The following CRELD1 variants were observed in gnomAD, a reference collection of about 807,000 sequenced individuals.
CRELD1 encodes CRELD disulfide isomerase 1.
CRELD1 carries 42 observed loss-of-function variants against 58.2 expected under a neutral mutation model. The ratio of observed to expected loss-of-function variants is 0.72; its 90% CI spans 0.56 to 0.93. The LOEUF is 0.93. Among genes scored for constraint, CRELD1 ranks in the 40% least tolerant of loss-of-function variants. CRELD1 has a pLI of 0.00. For synonymous variants in CRELD1, 222 were observed against 202.0 expected (o/e 1.10, Z -0.84); for missense variants, 500 against 540.6 (o/e 0.92, Z 0.74).
chr3:9,941,695 CAGG>C (rs2085372313), intron 7 of CRELD1, among the ~76,000 whole-genome samples: 1 of 143,860 alleles, frequency 7.0e-6, no homozygotes, highest in African/African-American at 2.6e-5. Flanking sequence ...GAGGCTGAGG[CAGG>C]AGAAGGGCAT....
rs765033687 is a variant in CRELD1 at position 9,941,148 on chromosome 3, G to A, written c.675G>A (p.Glu225=). ...CCTGTGCCCGATGCTCAGGACCTGA[G>A]GAATCAAACTGTTTGCAATGCAAGA... ...FGPCARCSGP[E]ESNCLQCKKG... The change falls in exon 7 of 11, where the codon GAG becomes GAA. Residue 225 remains glutamate (E), a synonymous_variant. Transcript: ENST00000452070. 1.9e-6 allele frequency: 3 copies of A among 1,614,212 alleles called. No individual in the cohort carries two copies. The highest frequency in any genetic ancestry group is 3.3e-5 in the Admixed American group (2 of 60,026).
chr3:9,941,361 C>T (rs1006384724), intron 7 of CRELD1, among the ~76,000 whole-genome samples, 155 bp downstream of exon 7: 1 of 151,684 alleles, frequency 6.6e-6, no homozygotes, highest in African/African-American at 2.4e-5. Context: ...CAGATACTTA[C>T]AGTCCAGTAC....
chr3:9,934,334 G>A (rs57022843), intron 1 of CRELD1, 86 bp from the exon 2 acceptor site: 11 of 1,077,782 alleles, frequency 1.0e-5, no homozygotes, highest in Non-Finnish European at 1.6e-5. Flanking sequence ...AGATCCCAGC[G>A]CCACGGCACC....
intron 7 of CRELD1, among the ~76,000 whole-genome samples, chr3:9,941,526 C>T (rs527876413): frequency 2.0e-5 from 3 of 152,086 alleles, no homozygotes; most frequent in African/African-American, 2.4e-5. Context: ...CGCGGTGGCT[C>T]ACGCCTGTAA....
At position 9,944,414 on chromosome 3, in the gene CRELD1, G is replaced by A. The variant is rs2085463667; in HGVS notation, c.1098G>A (p.Leu366=). The A allele has an allele frequency of 1.9e-6, 3 of 1,614,018 alleles. No individual in the cohort carries two copies. Among genetic ancestry groups the A allele is most frequent in the African/African-American group, 1.3e-5 (1 of 74,930 alleles). The change falls in exon 11 of 11, where the codon CTG becomes CTA. Residue 366 remains leucine (L), a synonymous_variant. Transcript: ENST00000452070. ...TGACAGAAGACGAGTTGGTGGTGCT[G>A]CAGCAGATGTTCTTTGGCATCATCA... is the stretch of plus-strand genomic sequence containing the variant. ...SEMTEDELVV[L]QQMFFGIIIC...
In CRELD1 at chr3:9,943,146, A is replaced by C. The variant is rs534019383; in HGVS notation, c.887A>C (p.Tyr296Ser). 14 of 1,613,212 alleles carry C rather than the reference A, an allele frequency of 8.7e-6. No individual in the cohort carries two copies. The South Asian group carries it at 1.5e-4, about 18-fold the overall frequency. The change falls in exon 9 of 11, where the codon TAT (tyrosine) becomes TCT (serine). Residue 296 changes from tyrosine (Y) to serine (S), a missense_variant. Transcript: ENST00000452070. ...CGCTGTAAGAAGTGTAGCCCTGGCT[A>C]TCAGCAGGTGGGCTCCAAGTGTCTC... ...PGRCKKCSPGYQQVGSKCLDV... is the reference protein window; with the variant it reads ...PGRCKKCSPGSQQVGSKCLDV...
chr3:9,941,790 A>C (rs2085376089), intron 7 of CRELD1, among the ~76,000 whole-genome samples: 1 of 91,364 alleles, frequency 1.1e-5, no homozygotes, highest in Non-Finnish European at 2.2e-5. Context: ...ACTCCATCTC[A>C]AAAAAAAAAA....
intron 5 of CRELD1, chr3:9,938,334 T>G: frequency 3.6e-6 from 2 of 551,360 alleles, no homozygotes; most frequent in South Asian, 2.0e-5. Flanking sequence ...GTTATCATCA[T>G]GTACTAAAGA....
intron 5 of CRELD1, 89 bp from the exon 6 acceptor site, chr3:9,940,761 A>AGGGGAGAGGGAG (rs1553600174): frequency 1.2e-6 from 1 of 838,648 alleles, no homozygotes; most frequent in African/African-American, 3.0e-5. Flanking sequence ...GAGGGAAGGC[A>AGGGGAGAGGGAG]AGGGAGAGGG....
In CRELD1 at chr3:9,943,379, A is replaced by G. The variant is rs771099812; in HGVS notation, c.914-2A>G. 1.2e-6 allele frequency: 2 copies of G among 1,613,920 alleles called. No homozygotes were observed. Among genetic ancestry groups the G allele is most frequent in the Non-Finnish European group, 1.7e-6 (2 of 1,179,966 alleles). On this transcript the variant is annotated splice_acceptor_variant, in intron 9 of 10. Coordinates refer to ENST00000452070, the MANE Select transcript of CRELD1 (RefSeq NM_001077415.3). LOFTEE classifies it high-confidence loss of function. ...GGACTCTGACCCCTCCCTCCCCTCA[A>G]GATGTGGATGAGTGTGAGACAGAGG...
chr3:9,937,143 G>A (rs558759759), intron 3 of CRELD1, among the ~76,000 whole-genome samples: 5 of 152,308 alleles, frequency 3.3e-5, no homozygotes, highest in South Asian at 2.1e-4. Context: ...TTCCACAGTG[G>A]TGATGCCATT....
chr3:9,941,262 T>A (rs893772695), intron 7 of CRELD1, 56 bp downstream of exon 7: 2 of 1,484,868 alleles, frequency 1.3e-6, no homozygotes, highest in Non-Finnish European at 1.9e-6. Context: ...GGCTTGGTCC[T>A]TTATTCTCTC....
chr3:9,944,973 A>G lies in CRELD1; in HGVS notation c.*394A>G. The G allele has an allele frequency of 3.5e-6, 1 of 288,974 alleles. No individual in the cohort carries two copies. Among genetic ancestry groups the G allele is most frequent in the South Asian group, 3.9e-5 (1 of 25,562 alleles). 17.9% of individuals were successfully genotyped at this position (288,974 alleles called of 1,614,324 possible). On this transcript the variant is annotated 3_prime_UTR_variant, in exon 11 of 11. Coordinates refer to ENST00000452070, the MANE Select transcript of CRELD1 (RefSeq NM_001077415.3). ...TGTTCTGTGTTCACCACATCCCCAC[A>G]CCCCATTGCCACTTATTTATTCATC...
chr3:9,940,362 C>T (rs1206455670), intron 5 of CRELD1, among the ~76,000 whole-genome samples: 1 of 152,134 alleles, frequency 6.6e-6, no homozygotes. Flanking sequence ...CGCCACTGCA[C>T]TCCAGCCTGG....
rs1031426318 is a variant in CRELD1, at chr3:9,944,931, T to G, written c.*352T>G. 3.0e-5 allele frequency: 11 copies of G among 371,356 alleles called. No individual in the cohort carries two copies. The highest frequency in any genetic ancestry group is 4.7e-5 in the Non-Finnish European group (9 of 193,012). The allele number at this position is 371,356 out of a possible 1,614,324, so 23.0% of individuals were successfully genotyped here. ...GCCATCACAGCTCCCTCCTGCCAGC[T>G]GCATGCTGCCAGTTCCTGTTCTGTG... On this transcript the variant is annotated 3_prime_UTR_variant, in exon 11 of 11. Transcript: ENST00000452070.
chr3:9,944,246 G>T, intron 10 of CRELD1, 119 bp from the exon 11 acceptor site: 1 of 933,902 alleles, frequency 1.1e-6, no homozygotes, highest in Non-Finnish European at 1.8e-6. Flanking sequence ...TAGTGTGCCT[G>T]GCTTGCTGGG....
At chr3:9,941,763 C>A (rs13098618) in intron 7 of CRELD1, among the ~76,000 whole-genome samples, 1 of 120,086 alleles carries the variant, frequency 8.3e-6, no homozygotes, top group Admixed American at 1.1e-4. Flanking sequence ...GCACTCCAGT[C>A]TGGGCAACAG....
At chr3:9,934,973 C>T (rs1288485431) in intron 3 of CRELD1, 56 bp downstream of exon 3, 1 of 1,446,664 alleles carries the variant, frequency 6.9e-7, no homozygotes, top group East Asian at 2.4e-5. Context: ...AATCTCTGCT[C>T]TGCTGGTGTA....
At position 9,937,575 on chromosome 3, in the gene CRELD1, G is replaced by A. The variant is rs140283289; in HGVS notation, c.271G>A (p.Val91Ile). ...CTGTCCGATCAGTGAGACCCGCCTG[G>A]TAGAGGTGCTGGAGGGTGTGTGCAG... ...SKYKDSETRL[V>I]EVLEGVCSKS... Residue 91 changes from valine to isoleucine, a missense_variant, in exon 4 of 11, where the codon GTA becomes ATA. Coordinates refer to ENST00000452070, the MANE Select transcript of CRELD1 (RefSeq NM_001077415.3). 14 of 1,611,410 alleles carry A rather than the reference G, an allele frequency of 8.7e-6. No individual in the cohort carries two copies. The highest frequency in any genetic ancestry group is 1.0e-5 in the Non-Finnish European group (12 of 1,179,206).
Sources: gnomAD v4.1 joint callset for allele counts (sites outside exome capture counted in the v4.1 genomes callset) on GRCh38, gnomAD v4.1.1 for gene constraint, MANE v1.5 for transcripts, NCBI Gene and HGNC (gene_info 2026-07-23, HGNC 2026-07-21) for gene names.